CACNA1A: variants seen among roughly 807,000 people sequenced by gnomAD.
The protein encoded by CACNA1A is voltage-dependent P/Q-type calcium channel subunit alpha-1A.
In CACNA1A, 57 loss-of-function variants were observed where a neutral mutation model predicts 262.4. The observed-to-expected ratio is 0.22, with a 90% CI of 0.18 to 0.27. The LOEUF (loss-of-function observed/expected upper bound fraction) is 0.27. Ranked by LOEUF, CACNA1A falls within the 10% of genes least tolerant of loss-of-function variation. The pLI, the probability that CACNA1A is intolerant of heterozygous loss-of-function variation, is 1.00. For missense variants in CACNA1A, 2,526 were observed against 3,562.8 expected, an observed-to-expected ratio of 0.71 and a Z score of 7.41; for synonymous variants, 1,431 against 1,419.3, an observed-to-expected ratio of 1.01 and a Z score of -0.18.
intron 37 of CACNA1A, 85 bp from the exon 38 acceptor site, chr19:13,224,857 G>A: frequency 1.1e-6 from 1 of 889,692 alleles, no homozygotes; most frequent in East Asian, 2.7e-5. Flanking sequence ...TACCCAGGGA[G>A]TCCCAGGAAG....
intron 3 of CACNA1A, among the ~76,000 whole-genome samples, chr19:13,385,200 C>T (rs1356472034): frequency 6.6e-6 from 1 of 151,464 alleles, no homozygotes; most frequent in Non-Finnish European, 1.5e-5. Flanking sequence ...TGTCCATCCC[C>T]GTAGGGCAGA....
At chr19:13,305,844 G>A (rs937983984) in intron 15 of CACNA1A, among the ~76,000 whole-genome samples, 7 of 152,078 alleles carry the variant, frequency 4.6e-5, no homozygotes, top group African/African-American at 1.2e-4. Context: ...GGCAGATCAC[G>A]AGGCCAGGAG....
At chr19:13,351,153 CCTACT>C (rs2058901419) in intron 6 of CACNA1A, among the ~76,000 whole-genome samples, 1 of 152,168 alleles carries the variant, frequency 6.6e-6, no homozygotes, top group South Asian at 2.1e-4. Flanking sequence ...TTCCCCTTTA[CCTACT>C]CTATTCTTCG....
At chr19:13,243,119 C>T (rs976264005) in intron 31 of CACNA1A, among the ~76,000 whole-genome samples, 4 of 152,166 alleles carry the variant, frequency 2.6e-5, no homozygotes, top group East Asian at 1.9e-4. Context: ...TGTATGTAGC[C>T]GGATGGCAAG....
At position 13,212,855 on chromosome 19, in the gene CACNA1A, C is replaced by A; in HGVS notation, c.5941-115G>T. ...ACACACACACACACACACACTCTCT[C>A]AGGTCTCATCCATCTAGACCCTTCC... On this transcript the variant is annotated intron_variant, in intron 40 of 46. Transcript: ENST00000360228. This position sits in a 1 kb window ranked among gnomAD's most constrained non-coding sequence, Gnocchi z 5.6. 1.8e-6 allele frequency: 1 copy of A among 555,730 alleles called. No homozygotes were observed. The highest frequency in any genetic ancestry group is 2.9e-5 in the South Asian group (1 of 34,368). 34.4% of individuals were successfully genotyped at this position (555,730 alleles called of 1,614,324 possible).
intron 1 of CACNA1A, among the ~76,000 whole-genome samples, chr19:13,470,261 C>T (rs1015553834): frequency 6.6e-6 from 1 of 152,136 alleles, no homozygotes; most frequent in Non-Finnish European, 1.5e-5. Context: ...CCTGCCACTT[C>T]CTCACTGCAC....
At chr19:13,209,075 C>T in intron 45 of CACNA1A, 66 bp from the exon 46 acceptor site, 1 of 1,530,442 alleles carries the variant, frequency 6.5e-7, no homozygotes, top group Non-Finnish European at 8.8e-7. Flanking sequence ...CAGATGCACA[C>T]ACAGGAGGCC....
Position 13,262,719 on chromosome 19 carries a change from A to C in CACNA1A, c.4089+15T>G. ...ACAGTCCCCCCCACCGCACCCCACC[A>C]TCTCCCAATCTCACCTTGAGCTTTG... On this transcript the variant is annotated intron_variant, in intron 25 of 46. Transcript: ENST00000360228. The C allele has an allele frequency of 1.3e-6, 2 of 1,537,866 alleles. No individual in the cohort carries two copies. The highest frequency in any genetic ancestry group is 1.8e-6 in the Non-Finnish European group (2 of 1,113,246).
In CACNA1A at chr19:13,207,467, CG is replaced by C; in HGVS notation, c.7366del (p.Arg2456GlyfsTer152). 1.3e-6 allele frequency: 2 copies of C among 1,482,470 alleles called. No homozygotes were observed. The highest frequency in any genetic ancestry group is 1.8e-6 in the Non-Finnish European group (2 of 1,121,254). The allele number at this position is 1,482,470 out of a possible 1,614,324, so 91.8% of individuals were successfully genotyped here. On this transcript the variant is annotated frameshift_variant, in exon 47 of 47. Transcript: ENST00000360228. LOFTEE classifies it high-confidence loss of function. The surrounding 1 kb of genome is among the most constrained non-coding windows in gnomAD (Gnocchi z 5.7). ...GATGRSPRTP[R>X]ASGPACASPS... ...CGAGGCGCAGGCCGGGCCCGAGGCC[CG>C]GGGAGTCCTGGGCGAGCGCCCGGTG...
At chr19:13,413,895 A>AAAAGAAAGAAAGAAAGAAAG (rs57341945) in intron 3 of CACNA1A, among the ~76,000 whole-genome samples, 2,048 of 119,168 alleles carry the variant, frequency 0.017, 83 homozygotes, top group African/African-American at 0.052. Flanking sequence ...GAAAGAAAGA[A>AAAAGAAAGAAAGAAAGAAAG]AAAGAAAGAA....
rs945877489 is a variant in CACNA1A at position 13,506,256 on chromosome 19, T to G, written c.-32A>C. The G allele has an allele frequency of 2.0e-5, 28 of 1,412,784 alleles. No individual in the cohort carries two copies. Among genetic ancestry groups the G allele is most frequent in the Non-Finnish European group, 2.6e-5 (28 of 1,095,714 alleles). 87.5% of individuals were successfully genotyped at this position (1,412,784 alleles called of 1,614,324 possible). ...AAGAGCAAAGGGCTCCGGGTTACGC[T>G]GCGGCGAACGATGCGGAAGACGCCG... On this transcript the variant is annotated 5_prime_UTR_variant, in exon 1 of 47. Transcript: ENST00000360228.
chr19:13,306,804 C>T (rs1202944630), intron 15 of CACNA1A, among the ~76,000 whole-genome samples: 1 of 152,144 alleles, frequency 6.6e-6, no homozygotes, highest in African/African-American at 2.4e-5. Context: ...TCCAAACTAG[C>T]CAGTCTCGAG....
At chr19:13,216,636 T>C (rs2055019113) in intron 38 of CACNA1A, among the ~76,000 whole-genome samples, 1 of 151,258 alleles carries the variant, frequency 6.6e-6, no homozygotes, top group African/African-American at 2.4e-5. Context: ...CCTATTATTT[T>C]TTTTAAAAAT....
At chr19:13,471,038 C>T (rs2061338631) in intron 1 of CACNA1A, among the ~76,000 whole-genome samples, 4 of 152,262 alleles carry the variant, frequency 2.6e-5, no homozygotes, top group South Asian at 4.1e-4. Context: ...TTGCCTCTTC[C>T]CGCTTTTGGT....
At chr19:13,384,948 G>A (rs555772117) in intron 3 of CACNA1A, among the ~76,000 whole-genome samples, 217 of 152,230 alleles carry the variant, frequency 1.4e-3, no homozygotes, top group African/African-American at 4.8e-3. Flanking sequence ...GGAGAGAACT[G>A]AATATGGGTC....
intron 1 of CACNA1A, among the ~76,000 whole-genome samples, chr19:13,499,397 A>G (rs1982072915): frequency 7.1e-6 from 1 of 139,872 alleles, no homozygotes; most frequent in Non-Finnish European, 1.5e-5. Context: ...GGTGGCTTTA[A>G]AGAGCGCCAC....
intron 1 of CACNA1A, among the ~76,000 whole-genome samples, chr19:13,466,703 A>AATC (rs918935146): frequency 2.0e-5 from 3 of 150,608 alleles, no homozygotes; most frequent in Admixed American, 6.6e-5. Context: ...TAATAATAAT[A>AATC]ATCATCATCA....
At chr19:13,433,110 G>C in intron 3 of CACNA1A, among the ~76,000 whole-genome samples, 1 of 151,932 alleles carries the variant, frequency 6.6e-6, no homozygotes, top group East Asian at 1.9e-4. Flanking sequence ...TGGCTAACAC[G>C]GTGAAACCCC....
chr19:13,288,904 G>A (rs1479007868), intron 19 of CACNA1A, among the ~76,000 whole-genome samples: 1 of 152,156 alleles, frequency 6.6e-6, no homozygotes, highest in Non-Finnish European at 1.5e-5. Context: ...AACCCACGGT[G>A]TTTTTAGTAA....
Sources: allele counts gnomAD v4.1 joint callset (sites outside exome capture counted in the v4.1 genomes callset), GRCh38; gene constraint gnomAD v4.1.1; non-coding constraint Gnocchi (gnomAD v3.1); transcripts MANE v1.5; gene names NCBI Gene and HGNC (gene_info 2026-07-23, HGNC 2026-07-21).